Variants in ARHGEF9 observed in about 807,000 individuals in gnomAD.
ARHGEF9 encodes rho guanine nucleotide exchange factor 9.
ARHGEF9 carries 2 observed loss-of-function variants against 41.3 expected under a neutral mutation model. The observed-to-expected ratio is 0.05, with a 90% confidence interval of 0.02 to 0.15. ARHGEF9 has a LOEUF of 0.15. Ranked by LOEUF, ARHGEF9 falls within the 10% of genes least tolerant of loss-of-function variation. The pLI, the probability that ARHGEF9 is intolerant of heterozygous loss-of-function variation, is 1.00. For missense variants in ARHGEF9, 225 were observed against 424.7 expected (o/e 0.53, Z 4.13); for synonymous variants, 160 against 154.4 (o/e 1.04, Z -0.27).
intron 2 of ARHGEF9, among the ~76,000 whole-genome samples, chrX:63,708,515 T>C (rs1406496241): frequency 8.9e-6 from 1 of 111,791 alleles, no homozygotes; most frequent in East Asian, 2.8e-4. Context: ...CAAATAACAA[T>C]GAGAAAAGAC....
chrX:63,743,325 A>G (rs2055076726), intron 1 of ARHGEF9: 1 of 112,728 alleles, frequency 8.9e-6, no homozygotes. Flanking sequence ...GCTATATACT[A>G]TGTTCTTCCT....
intron 1 of ARHGEF9, among the ~76,000 whole-genome samples, chrX:63,757,143 T>A (rs2055949271): frequency 1.8e-5 from 2 of 111,533 alleles, no homozygotes; most frequent in African/African-American, 6.5e-5. Context: ...GATTTCTGAG[T>A]TCTTCTGATT....
At chrX:63,766,851 C>T (rs1327371660) in intron 1 of ARHGEF9, 15 of 312,631 alleles carry the variant, frequency 4.8e-5, no homozygotes, top group African/African-American at 2.2e-4. Context: ...GTCCCCCACG[C>T]GGCCCCTCAT....
intron 1 of ARHGEF9, among the ~76,000 whole-genome samples, chrX:63,779,243 T>G (rs1328128408): frequency 8.9e-6 from 1 of 111,969 alleles, no homozygotes; most frequent in Non-Finnish European, 1.9e-5. Context: ...TGGTACCAAT[T>G]TACTGTATTA....
chrX:63,734,296 T>C (rs1160284447), intron 1 of ARHGEF9, among the ~76,000 whole-genome samples: 3 of 111,987 alleles, frequency 2.7e-5, no homozygotes, highest in Non-Finnish European at 5.6e-5. Context: ...CTAGAGAAGG[T>C]CCTATATACT....
chrX:63,665,869 GA>G lies in ARHGEF9; in HGVS notation c.1077+16del, dbSNP rs781953857. The stretch of plus-strand genomic sequence containing the variant: ...TTAGGTACCCATCTCCCTCAGGGAA[GA>G]AGGGGGCAGGGTTACCTTCTTGCAG... On this transcript the variant is annotated intron_variant, in intron 7 of 9. Coordinates refer to ENST00000671741, the MANE Select transcript of ARHGEF9 (RefSeq NM_001353921.2). The G allele has an allele frequency of 2.5e-6, 3 of 1,207,593 alleles. No homozygotes were observed. The African/African-American group carries it at 5.2e-5, about 21-fold the overall frequency.
intron 1 of ARHGEF9, chrX:63,755,250 C>T (rs1427995194): frequency 2.1e-6 from 2 of 934,244 alleles, no homozygotes; most frequent in East Asian, 4.2e-5. Flanking sequence ...GTTCGCTGCC[C>T]AGGGGCGGGA....
chrX:63,644,126 G>C, intron 8 of ARHGEF9, 78 bp from the exon 9 acceptor site: 1 of 645,885 alleles, frequency 1.5e-6, no homozygotes, highest in South Asian at 4.3e-5. Flanking sequence ...AAACTTTTCT[G>C]TAAGAAAGAT....
intron 5 of ARHGEF9, among the ~76,000 whole-genome samples, chrX:63,676,526 T>C (rs1294768527): frequency 8.9e-6 from 1 of 112,418 alleles, no homozygotes; most frequent in African/African-American, 3.2e-5. Flanking sequence ...GTTGCTCCAA[T>C]GTATGGGGAT....
At position 63,638,084 on chromosome X, in the gene ARHGEF9, G is replaced by A. The variant is rs1272428374; in HGVS notation, c.1516C>T (p.Arg506Cys). Reference protein sequence around the residue: ...SQVFEFTEPKRSQSPFWQNFS... With the variant: ...SQVFEFTEPKCSQSPFWQNFS... ...TTTTGCCAGAATGGTGACTGGCTGC[G>A]CTTGGGTTCGGTGAACTCAAAGACC... Residue 506 changes from arginine (R) to cysteine (C), a missense_variant, in exon 10 of 10, where the codon CGC becomes TGC. Physicochemically the swap from Arg to Cys is radical, Grantham distance 180. Transcript: ENST00000671741. 1.7e-6 allele frequency: 2 copies of A among 1,208,221 alleles called. No individual in the cohort carries two copies. Among genetic ancestry groups the A allele is most frequent in the African/African-American group, 1.8e-5 (1 of 56,922 alleles).
chrX:63,701,269 A>G (rs782426787), intron 3 of ARHGEF9, among the ~76,000 whole-genome samples: 2 of 110,658 alleles, frequency 1.8e-5, no homozygotes, highest in Middle Eastern at 9.3e-3. Flanking sequence ...AAAAGTTTAG[A>G]CCTCAGTGTC....
At chrX:63,650,582 G>A (rs782424780) in intron 8 of ARHGEF9, among the ~76,000 whole-genome samples, 1 of 110,312 alleles carries the variant, frequency 9.1e-6, no homozygotes, top group South Asian at 3.9e-4. Flanking sequence ...GTTTGTGATA[G>A]GACAGTAGGG....
At chrX:63,718,982 G>C (rs1184416979) in intron 2 of ARHGEF9, among the ~76,000 whole-genome samples, 3 of 111,323 alleles carry the variant, frequency 2.7e-5, no homozygotes, top group African/African-American at 9.8e-5. Flanking sequence ...CATATTAAAA[G>C]AAAAAAATAA....
chrX:63,640,720 A>G (rs1556305015), intron 9 of ARHGEF9: 1 of 111,799 alleles, frequency 8.9e-6, no homozygotes, highest in African/African-American at 3.3e-5. Flanking sequence ...CTGAGTTGAT[A>G]ATGTCCCAGT....
At chrX:63,679,273 G>C (rs2050466630) in intron 4 of ARHGEF9, among the ~76,000 whole-genome samples, 1 of 111,073 alleles carries the variant, frequency 9.0e-6, no homozygotes, top group Non-Finnish European at 1.9e-5. Context: ...TAACAACAGG[G>C]GAATCTGGGT....
At chrX:63,688,403 A>C (rs2051121855) in intron 4 of ARHGEF9, among the ~76,000 whole-genome samples, 1 of 112,326 alleles carries the variant, frequency 8.9e-6, no homozygotes, top group East Asian at 2.8e-4. Flanking sequence ...AAGAACACTA[A>C]TATGTATCAA....
At chrX:63,730,438 T>C (rs781882249) in intron 1 of ARHGEF9, among the ~76,000 whole-genome samples, 8 of 111,859 alleles carry the variant, frequency 7.2e-5, no homozygotes, top group East Asian at 2.8e-4. Flanking sequence ...CAGTCCCCCA[T>C]GGAACCAGTC....
intron 2 of ARHGEF9, among the ~76,000 whole-genome samples, chrX:63,723,572 G>A (rs1456620765): frequency 8.9e-6 from 1 of 111,997 alleles, no homozygotes; most frequent in Non-Finnish European, 1.9e-5. Flanking sequence ...CCACAAAGCA[G>A]TTTTCGCATG....
At position 63,775,931 on chromosome X, in the gene ARHGEF9, G is replaced by T. The variant is rs186696763; in HGVS notation, c.30+9185C>A. On this transcript the variant is annotated intron_variant, in intron 1 of 9. Transcript: ENST00000671741. ...TGAACCCCTCACCCACCACGTTCTT[G>T]CTCCCCTATTTCCTTACATTATCTT... Among the ~76,000 whole-genome samples the T allele has an allele frequency of 4.6e-3, 509 of 111,140 alleles. 3 individuals carry two copies. The highest frequency in any genetic ancestry group is 0.016 in the African/African-American group (484 of 30,597).
Sources: allele counts gnomAD v4.1 joint callset (sites outside exome capture counted in the v4.1 genomes callset), GRCh38; gene constraint gnomAD v4.1.1; transcripts MANE v1.5; gene names NCBI Gene and HGNC (gene_info 2026-07-23, HGNC 2026-07-21).